Variants in TNC observed in about 807,000 individuals in gnomAD.
TNC encodes the protein tenascin C.
In TNC, 109 loss-of-function variants were observed where a neutral mutation model predicts 202.4. The observed-to-expected ratio is 0.54, with a 90% CI of 0.46 to 0.63. TNC has a LOEUF of 0.63. TNC is among the 30% of genes least tolerant of loss of function. The pLI is 0.00. For missense variants in TNC, 2,756 were observed against 2,833.3 expected, an observed-to-expected ratio of 0.97 and a Z score of 0.62; for synonymous variants, 1,007 against 1,089.7, an observed-to-expected ratio of 0.92 and a Z score of 1.50.
Position 115,086,053 on chromosome 9 carries a change from C to T in TNC, c.1678G>A (p.Glu560Lys), listed in dbSNP as rs756753418. ...HEGFMGKDCK[E>K]QRCPSDCHGQ... ...TGACAGTCACTGGGACATCTTTGCTCCTTGCAGTCTTTGCCCATAAATCCT... is the reference window on the plus strand; with the variant it reads ...TGACAGTCACTGGGACATCTTTGCTTCTTGCAGTCTTTGCCCATAAATCCT... The change falls in exon 3 of 28, where the codon GAG becomes AAG. Residue 560 changes from glutamate to lysine, a missense_variant. Physicochemically the swap from Glu to Lys is moderately conservative, Grantham distance 56 (BLOSUM62 1). Around this residue, in one of 2 missense-constraint regions of TNC, gnomAD observed 2,559 missense variants for 2,546.0 expected, o/e 1.01. Coordinates refer to ENST00000350763, the MANE Select transcript of TNC (RefSeq NM_002160.4). 9 of 1,614,066 alleles carry T rather than the reference C, an allele frequency of 5.6e-6. No individual in the cohort carries two copies. The highest frequency in any genetic ancestry group is 1.3e-5 in the African/African-American group (1 of 74,950).
At chr9:115,050,174 T>C (rs921432247) in intron 15 of TNC, among the ~76,000 whole-genome samples, 37 of 152,238 alleles carry the variant, frequency 2.4e-4, no homozygotes, top group African/African-American at 7.7e-4. Flanking sequence ...AAGCAGTGAA[T>C]TCCAATGAAA....
At position 115,073,697 on chromosome 9, in the gene TNC, C is replaced by G. The variant is rs1314285349; in HGVS notation, c.3120G>C (p.Leu1040=). 1 of 1,613,994 alleles carries G rather than the reference C, an allele frequency of 6.2e-7. No individual in the cohort carries two copies. The highest frequency in any genetic ancestry group is 1.3e-5 in the African/African-American group (1 of 74,900). Residue 1040 remains leucine (L), a synonymous_variant, in exon 10 of 28, where the codon CTG becomes CTC. Coordinates refer to ENST00000350763, the MANE Select transcript of TNC (RefSeq NM_002160.4). Reference sequence around the variant, plus strand: ...ACTCCTGTCCTGGTTCCAGGCCTCTCAGGACATAGGAAGTGGTGTTTCTTG... The same window carrying G: ...ACTCCTGTCCTGGTTCCAGGCCTCTGAGGACATAGGAAGTGGTGTTTCTTG... ...QLPRNTTSYV[L]RGLEPGQEYN... is the part of the protein sequence containing the mutation.
chr9:115,093,462 G>A (rs1192300333), intron 1 of TNC, among the ~76,000 whole-genome samples: 1 of 152,136 alleles, frequency 6.6e-6, no homozygotes, highest in African/African-American at 2.4e-5. Context: ...TTATAAAAAA[G>A]GAGACTTGGC....
intron 10 of TNC, among the ~76,000 whole-genome samples, chr9:115,066,692 A>G (rs2132737452): frequency 6.6e-6 from 1 of 152,328 alleles, no homozygotes; most frequent in East Asian, 1.9e-4. Context: ...AGCTAACAAC[A>G]GTTTTTCTTA....
At chr9:115,077,345 T>C (rs374495187) in intron 7 of TNC, among the ~76,000 whole-genome samples, 81 of 152,246 alleles carry the variant, frequency 5.3e-4, no homozygotes, top group Admixed American at 1.2e-3. Context: ...CGTGAGCCAC[T>C]GCGCCTGACC....
intron 6 of TNC, 70 bp from the exon 7 acceptor site, chr9:115,078,282 C>CT: frequency 6.7e-7 from 1 of 1,499,650 alleles, no homozygotes; most frequent in East Asian, 2.3e-5. Context: ...AGAGAGAGGA[C>CT]TTTGTAACTC....
intron 26 of TNC, among the ~76,000 whole-genome samples, chr9:115,024,878 C>T (rs1829358750): frequency 6.6e-6 from 1 of 152,148 alleles, no homozygotes; most frequent in African/African-American, 2.4e-5. Context: ...TGTGGGTCTC[C>T]TCACTCCCAA....
rs375885073 is a variant in TNC at position 115,090,920 on chromosome 9, T to C, written c.99A>G (p.Arg33=). The C allele has an allele frequency of 1.4e-5, 23 of 1,614,028 alleles. No individual in the cohort carries two copies. Among genetic ancestry groups the C allele is most frequent in the African/African-American group, 6.7e-5 (5 of 74,908 alleles). ...GVLKKVIRHK[R]QSGVNATLPE... is the part of the protein sequence containing the mutation. Reference sequence around the variant, plus strand: ...GCAGGGTGGCGTTCACCCCACTCTGTCGCTTGTGCCGGATGACTTTCTTGA... The same window carrying C: ...GCAGGGTGGCGTTCACCCCACTCTGCCGCTTGTGCCGGATGACTTTCTTGA... Residue 33 remains arginine, a synonymous_variant, in exon 2 of 28, where the codon CGA becomes CGG. Coordinates refer to ENST00000350763, the MANE Select transcript of TNC (RefSeq NM_002160.4).
chr9:115,070,032 C>T (rs1390078318), intron 10 of TNC, among the ~76,000 whole-genome samples: 1 of 151,854 alleles, frequency 6.6e-6, no homozygotes, highest in Non-Finnish European at 1.5e-5. Context: ...TCATGAAGCT[C>T]ATACCACATA....
At chr9:115,113,875 A>T (rs1307651852) in intron 1 of TNC, among the ~76,000 whole-genome samples, 1 of 152,210 alleles carries the variant, frequency 6.6e-6, no homozygotes, top group African/African-American at 2.4e-5. Context: ...AATGATAGTG[A>T]CAGGGTTGTT....
chr9:115,102,336 T>C (rs772202366), intron 1 of TNC, among the ~76,000 whole-genome samples: 16 of 152,198 alleles, frequency 1.1e-4, no homozygotes, highest in African/African-American at 3.1e-4. Context: ...CCTCCAGAAG[T>C]AGACCATTAA....
Position 115,030,288 on chromosome 9 carries a change from A to C in TNC, c.6038T>G (p.Phe2013Cys). Residue 2013 changes from phenylalanine (F) to cysteine (C), a missense_variant, in exon 24 of 28, where the codon TTC becomes TGC. Phe to Cys is a radical substitution (Grantham distance 205). Coordinates refer to ENST00000350763, the MANE Select transcript of TNC (RefSeq NM_002160.4). ...ACCCCCATCAGAGGTCATGTCACAG[A>C]AGACTTCCAGCGCCTCAGCCTTATC... Reference protein sequence around the residue: ...NGDKAEALEVFCDMTSDGGGW... With the variant: ...NGDKAEALEVCCDMTSDGGGW... 1 of 1,613,316 alleles carries C rather than the reference A, an allele frequency of 6.2e-7. No homozygotes were observed.
rs1232309028 is a variant in TNC, at chr9:115,074,008, G to T, written c.2951-142C>A. ...GACCACAGGAGAGTCACATCTCTGG[G>T]TCTCTCTTTTTACTTTTGTAAAATA... is the stretch of plus-strand genomic sequence containing the variant. On this transcript the variant is annotated intron_variant, in intron 9 of 27. Transcript: ENST00000350763. 1.0e-5 allele frequency: 8 copies of T among 798,044 alleles called. No individual in the cohort carries two copies. In the Admixed American group the frequency reaches 2.0e-4, roughly 20 times the overall value. 49.4% of individuals were successfully genotyped at this position (798,044 alleles called of 1,614,324 possible). A position where few individuals can be genotyped will look rare whatever the true frequency, so the allele number is the denominator to read the frequency against.
chr9:115,063,029 G>C lies in TNC; in HGVS notation c.3921C>G (p.Ser1307Arg), dbSNP rs776682815. The change falls in exon 13 of 28, where the codon AGC becomes AGG. Residue 1307 changes from serine to arginine, a missense_variant. Coordinates refer to ENST00000350763, the MANE Select transcript of TNC (RefSeq NM_002160.4). ...EEAHNLTVPG[S>R]LRSMEIPGLR... ...GGCCTGGGATTTCCATGGAACGCAG[G>C]CTGCCAGGAACCGTGAGATTGTGAG... 14 of 1,614,036 alleles carry C rather than the reference G, an allele frequency of 8.7e-6. No homozygotes were observed. The Admixed American group carries it at 1.7e-4, about 19-fold the overall frequency.
intron 10 of TNC, among the ~76,000 whole-genome samples, chr9:115,068,886 T>C (rs993422131): frequency 3.3e-5 from 5 of 152,192 alleles, no homozygotes; most frequent in African/African-American, 4.8e-5. Context: ...TTCCCTTTGC[T>C]TAGGTCTGTG....
At chr9:115,097,303 G>A (rs1835869286) in intron 1 of TNC, among the ~76,000 whole-genome samples, 3 of 152,326 alleles carry the variant, frequency 2.0e-5, no homozygotes, top group Middle Eastern at 6.8e-3. Context: ...GAAATGAGAA[G>A]ACATATGTTA....
chr9:115,070,037 C>T (rs1160603254), intron 10 of TNC, among the ~76,000 whole-genome samples: 5 of 151,756 alleles, frequency 3.3e-5, no homozygotes, highest in Non-Finnish European at 7.4e-5. Context: ...AAGCTCATAC[C>T]ACATACTTGT....
At position 115,046,406 on chromosome 9, in the gene TNC, G is replaced by A. The variant is rs748278187; in HGVS notation, c.5125+4C>T. 2.5e-6 allele frequency: 4 copies of A among 1,613,790 alleles called. No homozygotes were observed. The highest frequency in any genetic ancestry group is 4.5e-5 in the East Asian group (2 of 44,878). ...CTCTGTTCTCTCCTGTTTATTTACA[G>A]TACCTGTTGTTGCTATAGCACTGAC... On this transcript the variant is annotated splice_donor_region_variant and intron_variant, in intron 17 of 27. Transcript: ENST00000350763.
Position 115,104,982 on chromosome 9 carries a change from C to G in TNC, c.-137+13000G>C, listed in dbSNP as rs546973206. Among the ~76,000 whole-genome samples the G allele has an allele frequency of 2.6e-5, 4 of 152,220 alleles. No homozygotes were observed. The South Asian group carries it at 8.3e-4, about 32-fold the overall frequency. On this transcript the variant is annotated intron_variant, in intron 1 of 27. Coordinates refer to ENST00000350763, the MANE Select transcript of TNC (RefSeq NM_002160.4). ...CGTGTACACCAAATATTTGGCATAG[C>G]AAAACTAGACAGCTTTGGAAATCTT...
Sources: allele counts gnomAD v4.1 joint callset (sites outside exome capture counted in the v4.1 genomes callset), GRCh38; gene constraint gnomAD v4.1.1; regional missense constraint gnomAD v4.1.1; transcripts MANE v1.5; gene names NCBI Gene and HGNC (gene_info 2026-07-23, HGNC 2026-07-21).